SEMA3A: variants seen among roughly 807,000 people sequenced by gnomAD.
The protein encoded by SEMA3A is semaphorin 3A.
A neutral mutation model predicts 97.9 loss-of-function variants in SEMA3A; 29 were observed. The observed-to-expected ratio is 0.30, with a 90% CI of 0.22 to 0.40. The LOEUF is 0.40. SEMA3A is among the 10% of genes least tolerant of loss of function. The pLI is 1.00. For synonymous variants in SEMA3A, 321 were observed against 323.7 expected, an observed-to-expected ratio of 0.99 and a Z score of 0.09; for missense variants, 763 against 951.3, an observed-to-expected ratio of 0.80 and a Z score of 2.60.
At chr7:84,388,623 G>A (rs1037946426) in intron 1 of SEMA3A, among the ~76,000 whole-genome samples, 1 of 151,922 alleles carries the variant, frequency 6.6e-6, no homozygotes, top group African/African-American at 2.4e-5. Flanking sequence ...GAATACAAAG[G>A]AAAACTGATT....
intron 2 of SEMA3A, among the ~76,000 whole-genome samples, chr7:84,130,232 T>C (rs1195936491): frequency 6.6e-6 from 1 of 152,116 alleles, no homozygotes; most frequent in Admixed American, 6.6e-5. Flanking sequence ...AAATGACTGA[T>C]TGTCATTCAT....
intron 2 of SEMA3A, among the ~76,000 whole-genome samples, chr7:84,337,469 T>C (rs1196509629): frequency 6.6e-6 from 1 of 152,156 alleles, no homozygotes. Context: ...AGTGTGCTAT[T>C]TGGCTAACAA....
At chr7:83,973,640 CA>C (rs1789008077) in intron 15 of SEMA3A, among the ~76,000 whole-genome samples, 1 of 151,948 alleles carries the variant, frequency 6.6e-6, no homozygotes, top group Non-Finnish European at 1.5e-5. Flanking sequence ...ATGGCATTGT[CA>C]AAGACATTTT....
At chr7:84,126,786 GA>G (rs1363241962) in intron 3 of SEMA3A, among the ~76,000 whole-genome samples, 1 of 152,030 alleles carries the variant, frequency 6.6e-6, no homozygotes, top group East Asian at 1.9e-4. Context: ...AAAACTATTA[GA>G]GTTGTTTCTC....
In SEMA3A at chr7:84,335,613, T is replaced by G. The variant is rs73711527; in HGVS notation, c.-168-28321A>C. Among the ~76,000 whole-genome samples, 140 of 152,244 alleles carry G rather than the reference T, an allele frequency of 9.2e-4. 1 individual carries two copies. The highest frequency in any genetic ancestry group is 3.2e-3 in the African/African-American group (135 of 41,572). On this transcript the variant is annotated intron_variant, in intron 2 of 3. Transcript: ENST00000424555. ...ATGTTATTTTTAAATGATAGACATT[T>G]ATGAACTATGGAACAGGCATCTAAG...
chr7:84,432,012 ACATAGG>A (rs1464803831), intron 1 of SEMA3A, among the ~76,000 whole-genome samples: 1 of 152,098 alleles, frequency 6.6e-6, no homozygotes, highest in Non-Finnish European at 1.5e-5. Context: ...GAAGTTTTAC[ACATAGG>A]CAAAGAAGGG....
chr7:83,995,238 C>T lies in SEMA3A; in HGVS notation c.1452+6717G>A, dbSNP rs372386576. 1.2e-4 allele frequency among the ~76,000 whole-genome samples: 18 copies of T among 152,226 alleles called. No individual in the cohort carries two copies. In the East Asian group the frequency reaches 2.9e-3, roughly 25 times the overall value. On this transcript the variant is annotated intron_variant, in intron 12 of 16. Coordinates refer to ENST00000265362, the MANE Select transcript of SEMA3A (RefSeq NM_006080.3). ...GTCTGGCACTCCCTAGTGAGATGAACCCGGTACCTCAGATGGAAATGCAGA... is the reference window on the plus strand; with the variant it reads ...GTCTGGCACTCCCTAGTGAGATGAATCCGGTACCTCAGATGGAAATGCAGA...
At chr7:84,415,439 C>A (rs942674722) in intron 1 of SEMA3A, among the ~76,000 whole-genome samples, 1 of 152,000 alleles carries the variant, frequency 6.6e-6, no homozygotes, top group African/African-American at 2.4e-5. Flanking sequence ...AACAGAACTT[C>A]CACTTTTGTA....
chr7:84,367,012 T>C (rs1350235977), intron 2 of SEMA3A, among the ~76,000 whole-genome samples: 1 of 151,062 alleles, frequency 6.6e-6, no homozygotes, highest in Non-Finnish European at 1.5e-5. Context: ...AATTTTTGAA[T>C]AAATTGAGGT....
chr7:84,467,983 C>A (rs1367972758), intron 1 of SEMA3A, among the ~76,000 whole-genome samples: 4 of 152,090 alleles, frequency 2.6e-5, no homozygotes, highest in Admixed American at 2.0e-4. Context: ...TCAAGCCCTA[C>A]CAAGCAAAAT....
At chr7:84,052,357 G>A (rs1792715632) in intron 5 of SEMA3A, among the ~76,000 whole-genome samples, 1 of 152,102 alleles carries the variant, frequency 6.6e-6, no homozygotes, top group African/African-American at 2.4e-5. Context: ...CTTTTTGGTT[G>A]GTAAGCTATT....
chr7:84,013,534 A>C (rs1368812898), intron 7 of SEMA3A, among the ~76,000 whole-genome samples: 1 of 151,070 alleles, frequency 6.6e-6, no homozygotes, highest in East Asian at 1.9e-4. Context: ...AATACTTCAC[A>C]TCTTCCAACA....
intron 5 of SEMA3A, among the ~76,000 whole-genome samples, chr7:84,055,884 T>C (rs1352274654): frequency 6.6e-6 from 1 of 152,220 alleles, no homozygotes; most frequent in Middle Eastern, 3.2e-3. Flanking sequence ...TTAGAGCTGT[T>C]CACATATACT....
intron 3 of SEMA3A, among the ~76,000 whole-genome samples, chr7:84,250,484 A>G (rs1799582348): frequency 6.6e-6 from 1 of 152,092 alleles, no homozygotes; most frequent in African/African-American, 2.4e-5. Flanking sequence ...AGCAGTCTTC[A>G]ACTTGTTTGT....
intron 1 of SEMA3A, chr7:84,489,255 A>G (rs1481456596): frequency 6.6e-6 from 1 of 152,086 alleles, no homozygotes; most frequent in South Asian, 2.1e-4. Flanking sequence ...GGAGAGCAGC[A>G]TGGGGGAAAC....
At chr7:84,451,047 G>C (rs1321530379) in intron 1 of SEMA3A, among the ~76,000 whole-genome samples, 7 of 152,066 alleles carry the variant, frequency 4.6e-5, no homozygotes, top group Admixed American at 4.6e-4. Context: ...TTTGTTGCCT[G>C]TGCTTTCAGT....
chr7:84,157,266 T>C (rs1796872744), intron 1 of SEMA3A, among the ~76,000 whole-genome samples: 1 of 152,176 alleles, frequency 6.6e-6, no homozygotes, highest in Admixed American at 6.5e-5. Flanking sequence ...CATGCAACAA[T>C]GCAGGTATAA....
intron 2 of SEMA3A, among the ~76,000 whole-genome samples, chr7:84,132,662 GTTTTTTTTTTT>G (rs55830654): frequency 4.6e-5 from 4 of 86,628 alleles, no homozygotes; most frequent in African/African-American, 7.9e-5. Context: ...TCGACTTGGT[GTTTTTTTTTTT>G]TTTTTTTTTT....
rs573615334 is a variant in SEMA3A, at chr7:84,425,946, G to A, written c.-245-54046C>T. ...TTTTGCAGCAACTAGGATGGAGTGA[G>A]AGACCAGTATTCTAAGTGAAGTAAC... is the stretch of plus-strand genomic sequence containing the variant. On this transcript the variant is annotated intron_variant, in intron 1 of 3. Transcript: ENST00000424555. Among the ~76,000 whole-genome samples the A allele has an allele frequency of 1.4e-3, 219 of 151,658 alleles. 2 individuals are homozygous for A. The highest frequency in any genetic ancestry group is 2.3e-3 in the Non-Finnish European group (156 of 67,938).
Sources: gnomAD v4.1 joint callset for allele counts (sites outside exome capture counted in the v4.1 genomes callset) on GRCh38, gnomAD v4.1.1 for gene constraint, MANE v1.5 for transcripts, NCBI Gene and HGNC (gene_info 2026-07-23, HGNC 2026-07-21) for gene names.